The following ATP6V0B variants were observed in gnomAD, a reference collection of about 807,000 sequenced individuals.
The protein encoded by ATP6V0B is V-type proton ATPase 21 kDa proteolipid subunit c''.
In ATP6V0B, 4 loss-of-function variants were observed where a neutral mutation model predicts 26.2. The ratio of observed to expected loss-of-function variants is 0.15; its 90% CI spans 0.08 to 0.35. The LOEUF (loss-of-function observed/expected upper bound fraction) is 0.35. ATP6V0B is among the 10% of genes least tolerant of loss of function. The pLI, the probability that ATP6V0B is intolerant of heterozygous loss-of-function variation, is 1.00. For missense variants in ATP6V0B, 175 were observed against 272.5 expected, an observed-to-expected ratio of 0.64 and a Z score of 2.52; for synonymous variants, 110 against 105.8, an observed-to-expected ratio of 1.04 and a Z score of -0.24.
At position 43,978,051 on chromosome 1, in the gene ATP6V0B, T is replaced by A; in HGVS notation, c.*44T>A. The A allele has an allele frequency of 6.2e-7, 1 of 1,613,870 alleles. No homozygotes were observed. Among genetic ancestry groups the A allele is most frequent in the Non-Finnish European group, 8.5e-7 (1 of 1,179,724 alleles). On this transcript the variant is annotated 3_prime_UTR_variant, in exon 8 of 8. Coordinates refer to ENST00000472174, the MANE Select transcript of ATP6V0B (RefSeq NM_004047.5). ...GCCGTGCCTCACTTTTATTTATTGC[T>A]GGTTTTCCTGGGACAGCTGGAGCTG...
rs747061836 is a variant in ATP6V0B at position 43,976,404 on chromosome 1, T to C, written c.278+25T>C. 8.8e-6 allele frequency: 14 copies of C among 1,598,808 alleles called. No homozygotes were observed. Among genetic ancestry groups the C allele is most frequent in the East Asian group, 2.2e-5 (1 of 44,682 alleles). On this transcript the variant is annotated intron_variant, in intron 4 of 7. Transcript: ENST00000472174. The surrounding 1 kb of genome is among the most constrained non-coding windows in gnomAD (Gnocchi z 4.6). ...GGTAAGTGTCAGGGTCCTTGGACTT[T>C]TGTCAGAACCAGCTGTGTTGGCGCT...
At chr1:43,977,894 C>A in intron 7 of ATP6V0B, 87 bp from the exon 8 acceptor site, 1 of 1,613,870 alleles carries the variant, frequency 6.2e-7, no homozygotes, top group South Asian at 1.1e-5. Context: ...TCCATCCAAC[C>A]ATGTGCTAGA....
chr1:43,977,490 C>T, intron 7 of ATP6V0B: 1 of 1,430,778 alleles, frequency 7.0e-7, no homozygotes, highest in Non-Finnish European at 9.1e-7. Context: ...TCTGTTCTCT[C>T]ATTTTATCTG....
rs909589342 is a variant in ATP6V0B at position 43,977,515 on chromosome 1, T to C, written c.591+299T>C. ...CATTTTATCTGCCATGCTTTTCATGTCTCCAGTCTGTATTTGTGATCTAGA... is the reference window on the plus strand; with the variant it reads ...CATTTTATCTGCCATGCTTTTCATGCCTCCAGTCTGTATTTGTGATCTAGA... On this transcript the variant is annotated intron_variant, in intron 7 of 7. Transcript: ENST00000472174. The C allele has an allele frequency of 8.4e-6, 12 of 1,429,572 alleles. No individual in the cohort carries two copies. In the African/African-American group the frequency reaches 1.6e-4, roughly 19 times the overall value. The allele number at this position is 1,429,572 out of a possible 1,614,324, so 88.6% of individuals were successfully genotyped here.
chr1:43,977,054 C>G lies in ATP6V0B; in HGVS notation c.429C>G (p.Thr143=). The change falls in exon 7 of 8, where the codon ACC becomes ACG. Residue 143 remains threonine (T), a synonymous_variant. Coordinates refer to ENST00000472174, the MANE Select transcript of ATP6V0B (RefSeq NM_004047.5). ...ACTCCATGTTTGGGGCTGGCCTCAC[C>G]GTAGGCCTGTCTAACCTCTTCTGTG... is the stretch of plus-strand genomic sequence containing the variant. The part of the protein sequence containing the change: ...AGYSMFGAGL[T]VGLSNLFCGV... 6.2e-7 allele frequency: 1 copy of G among 1,611,160 alleles called. No individual in the cohort carries two copies. Among genetic ancestry groups the G allele is most frequent in the Admixed American group, 1.7e-5 (1 of 59,846 alleles).
Position 43,978,000 on chromosome 1 carries a change from G to A in ATP6V0B, c.611G>A (p.Gly204Asp), listed in dbSNP as rs2085542646. The change falls in exon 8 of 8, where the codon GGT becomes GAT. Residue 204 changes from glycine to aspartate, a missense_variant. Physicochemically the swap from Gly to Asp is moderately conservative, Grantham distance 94 (BLOSUM62 -1). Transcript: ENST00000472174. Reference sequence around the variant, plus strand: ...TTGCAGACCTCCAGAGTGAAGATGGGTGACTAGATGATATGTGTGGGTGGG... The same window carrying A: ...TTGCAGACCTCCAGAGTGAAGATGGATGACTAGATGATATGTGTGGGTGGG... ...AILQTSRVKM[G>D]D is the part of the protein sequence containing the mutation. 1 of 1,614,066 alleles carries A rather than the reference G, an allele frequency of 6.2e-7. No homozygotes were observed. Among genetic ancestry groups the A allele is most frequent in the Non-Finnish European group, 8.5e-7 (1 of 1,180,036 alleles).
chr1:43,977,876 G>C (rs2085540401), intron 7 of ATP6V0B, 105 bp from the exon 8 acceptor site: 1 of 1,612,622 alleles, frequency 6.2e-7, no homozygotes, highest in Non-Finnish European at 8.5e-7. Flanking sequence ...TATATCTCTT[G>C]TGGTCTGTCC....
rs1209873723 is a variant in ATP6V0B, at chr1:43,976,857, G to A, written c.400+33G>A. The A allele has an allele frequency of 1.2e-6, 2 of 1,612,008 alleles. No homozygotes were observed. Among genetic ancestry groups the A allele is most frequent in the Non-Finnish European group, 1.7e-6 (2 of 1,178,228 alleles). ...GATGGGCGTATGAATGCAAAATGCT[G>A]GGACTTCATGCCTGCTTCCACTCTC... On this transcript the variant is annotated intron_variant, in intron 6 of 7. Transcript: ENST00000472174. The surrounding 1 kb of genome is among the most constrained non-coding windows in gnomAD (Gnocchi z 4.6).
At position 43,976,769 on chromosome 1, in the gene ATP6V0B, T is replaced by A; in HGVS notation, c.349-4T>A. ...GTTTCTGATTACTTTTCTTCTTCCCTCAGCCTTTCAGTGCCACAGACCCCA... is the reference window on the plus strand; with the variant it reads ...GTTTCTGATTACTTTTCTTCTTCCCACAGCCTTTCAGTGCCACAGACCCCA... On this transcript the variant is annotated splice_region_variant and splice_polypyrimidine_tract_variant and intron_variant, in intron 5 of 7. Coordinates refer to ENST00000472174, the MANE Select transcript of ATP6V0B (RefSeq NM_004047.5). The surrounding 1 kb of genome is among the most constrained non-coding windows in gnomAD (Gnocchi z 4.6). The A allele has an allele frequency of 1.9e-6, 3 of 1,614,170 alleles. No homozygotes were observed. The highest frequency in any genetic ancestry group is 2.5e-6 in the Non-Finnish European group (3 of 1,180,036).
chr1:43,977,379 T>A (rs535265532), intron 7 of ATP6V0B, 163 bp downstream of exon 7: 1 of 1,525,164 alleles, frequency 6.6e-7, no homozygotes, highest in Non-Finnish European at 8.8e-7. Flanking sequence ...CTACAGGGGC[T>A]CTCTATTTTT....
chr1:43,975,709 G>T, intron 1 of ATP6V0B, 91 bp from the exon 2 acceptor site: 1 of 1,460,528 alleles, frequency 6.8e-7, no homozygotes, highest in Non-Finnish European at 9.6e-7. Context: ...CCTTCAGGGA[G>T]GTGGCCCTTC....
chr1:43,975,817 T>G lies in ATP6V0B; in HGVS notation c.85T>G (p.Phe29Val). 6.2e-7 allele frequency: 1 copy of G among 1,601,668 alleles called. No homozygotes were observed. Among genetic ancestry groups the G allele is most frequent in the Non-Finnish European group, 8.5e-7 (1 of 1,173,070 alleles). Residue 29 changes from phenylalanine to valine, a missense_variant, in exon 2 of 8, where the codon TTT becomes GTT. Phe to Val is a conservative substitution (Grantham distance 50, BLOSUM62 -1). Coordinates refer to ENST00000472174, the MANE Select transcript of ATP6V0B (RefSeq NM_004047.5). Reference protein sequence around the residue: ...ALAVGVCYTIFDLGFRFDVAW... With the variant: ...ALAVGVCYTIVDLGFRFDVAW... ...TGCTGCAGGAGTCTGCTACACCATT[T>G]TTGATTTGGGCTTCCGCTTTGATGT...
At position 43,976,466 on chromosome 1, in the gene ATP6V0B, G is replaced by A; in HGVS notation, c.278+87G>A. ...TGATCTGACATACTGTTTCTGACAA[G>A]CCACCTTGTGGGATGGGATGTTATA... On this transcript the variant is annotated intron_variant, in intron 4 of 7. Coordinates refer to ENST00000472174, the MANE Select transcript of ATP6V0B (RefSeq NM_004047.5). This position sits in a 1 kb window ranked among gnomAD's most constrained non-coding sequence, Gnocchi z 4.6. 6.5e-7 allele frequency: 1 copy of A among 1,540,392 alleles called. No homozygotes were observed.
chr1:43,978,149 G>C lies in ATP6V0B; in HGVS notation c.*142G>C, dbSNP rs1225657606. On this transcript the variant is annotated 3_prime_UTR_variant, in exon 8 of 8. Transcript: ENST00000472174. ...TCCCCTCTTGCTGCGTGTTGATTTG[G>C]AGGCACTGCAGTCCAGGCCGAGTCC... is the stretch of plus-strand genomic sequence containing the variant. The C allele has an allele frequency of 7.9e-7, 1 of 1,259,294 alleles. No individual in the cohort carries two copies. The highest frequency in any genetic ancestry group is 1.1e-6 in the Non-Finnish European group (1 of 870,866). 78.0% of individuals were successfully genotyped at this position (1,259,294 alleles called of 1,614,324 possible). A position where few individuals can be genotyped will look rare whatever the true frequency, so the allele number is the denominator to read the frequency against.
At chr1:43,975,307 G>T (rs1212934667) in intron 1 of ATP6V0B, 200 bp downstream of exon 1, 1 of 682,580 alleles carries the variant, frequency 1.5e-6, no homozygotes. Flanking sequence ...GGTGCGGGCG[G>T]GTAGGGGCCG....
chr1:43,976,357 A>G lies in ATP6V0B; in HGVS notation c.256A>G (p.Ile86Val). The G allele has an allele frequency of 6.2e-7, 1 of 1,613,436 alleles. No homozygotes were observed. Among genetic ancestry groups the G allele is most frequent in the Non-Finnish European group, 8.5e-7 (1 of 1,179,752 alleles). ...IIGGGVKAPRIKTKNLVSIIF... is the reference protein window; with the variant it reads ...IIGGGVKAPRVKTKNLVSIIF... ...TGGTGGAGGAGTGAAGGCCCCCAGG[A>G]TCAAGACCAAGAACCTGGTCAGGTA... Residue 86 changes from isoleucine (I) to valine (V), a missense_variant, in exon 4 of 8, where the codon ATC becomes GTC. Ile to Val is a conservative substitution (Grantham distance 29, BLOSUM62 3). This residue lies in a region of ATP6V0B where 3 missense variants were observed against 19.8 expected (regional missense o/e 0.15). Transcript: ENST00000472174. This position sits in a 1 kb window ranked among gnomAD's most constrained non-coding sequence, Gnocchi z 4.6.
At position 43,975,144 on chromosome 1, in the gene ATP6V0B, G is replaced by A. The variant is rs376125990; in HGVS notation, c.67+37G>A. 3.6e-6 allele frequency: 5 copies of A among 1,406,742 alleles called. No homozygotes were observed. In the South Asian group the frequency reaches 7.7e-5, roughly 22 times the overall value. 87.1% of individuals were successfully genotyped at this position (1,406,742 alleles called of 1,614,324 possible). A position where few individuals can be genotyped will look rare whatever the true frequency, so the allele number is the denominator to read the frequency against. ...TCCTGGCGGGCGGGAGCAGCATCGC[G>A]GCCGAGCTGGCCGGGTCGGAACTCG... is the stretch of plus-strand genomic sequence containing the variant. On this transcript the variant is annotated intron_variant, in intron 1 of 7. Transcript: ENST00000472174.
In ATP6V0B at chr1:43,978,033, C is replaced by T; in HGVS notation, c.*26C>T. On this transcript the variant is annotated 3_prime_UTR_variant, in exon 8 of 8. Coordinates refer to ENST00000472174, the MANE Select transcript of ATP6V0B (RefSeq NM_004047.5). ...ATGATATGTGTGGGTGGGGCCGTGCCTCACTTTTATTTATTGCTGGTTTTC... is the reference window on the plus strand; with the variant it reads ...ATGATATGTGTGGGTGGGGCCGTGCTTCACTTTTATTTATTGCTGGTTTTC... 1 of 1,614,144 alleles carries T rather than the reference C, an allele frequency of 6.2e-7. No homozygotes were observed. Among genetic ancestry groups the T allele is most frequent in the Non-Finnish European group, 8.5e-7 (1 of 1,179,996 alleles).
chr1:43,976,182 T>G lies in ATP6V0B; in HGVS notation c.200+9T>G, dbSNP rs1295461771. On this transcript the variant is annotated intron_variant, in intron 3 of 7. Coordinates refer to ENST00000472174, the MANE Select transcript of ATP6V0B (RefSeq NM_004047.5). The surrounding 1 kb of genome is among the most constrained non-coding windows in gnomAD (Gnocchi z 4.6). ...GTGGTTGGGGCAGCCTGGTGAGTAT[T>G]GGGGTGGTGGGACTGGGGGCAGGGG... is the stretch of plus-strand genomic sequence containing the variant. The G allele has an allele frequency of 6.2e-7, 1 of 1,612,884 alleles. No homozygotes were observed. Among genetic ancestry groups the G allele is most frequent in the Admixed American group, 1.7e-5 (1 of 59,984 alleles).
Sources: gnomAD v4.1 joint callset for allele counts on GRCh38, gnomAD v4.1.1 for gene constraint, gnomAD v4.1.1 regional missense constraint, Gnocchi (gnomAD v3.1) non-coding constraint, MANE v1.5 for transcripts, NCBI Gene and HGNC (gene_info 2026-07-23, HGNC 2026-07-21) for gene names.